GPHN: variants seen among roughly 807,000 people sequenced by gnomAD.
GPHN encodes gephyrin.
Under a neutral mutation model 95.5 loss-of-function variants are expected in GPHN, and 17 were observed. The observed-to-expected ratio is 0.18, with a 90% CI of 0.12 to 0.27. GPHN has a LOEUF of 0.27. Ranked by LOEUF, GPHN falls within the 10% of genes least tolerant of loss-of-function variation. GPHN has a pLI of 1.00. For missense variants in GPHN, 660 were observed against 978.1 expected (o/e 0.67, Z 4.34); for synonymous variants, 320 against 322.5 (o/e 0.99, Z 0.08).
intron 2 of GPHN, among the ~76,000 whole-genome samples, chr14:66,773,503 G>A (rs1337016628): frequency 1.3e-5 from 2 of 151,618 alleles, no homozygotes; most frequent in Non-Finnish European, 2.9e-5. Context: ...ACGGGTGCTC[G>A]CCACCACGCC....
At chr14:67,023,449 T>G (rs892776473) in intron 9 of GPHN, among the ~76,000 whole-genome samples, 184 bp from the exon 10 acceptor site, 5 of 152,118 alleles carry the variant, frequency 3.3e-5, no homozygotes, top group African/African-American at 1.2e-4. Flanking sequence ...CAGTTCTTTC[T>G]TTAAGGAAAA....
intron 12 of GPHN, among the ~76,000 whole-genome samples, chr14:67,099,860 T>G (rs1349377334): frequency 1.3e-5 from 2 of 152,142 alleles, no homozygotes; most frequent in Non-Finnish European, 2.9e-5. Context: ...ATGTATATAT[T>G]TTTTGTAGAT....
intron 11 of GPHN, among the ~76,000 whole-genome samples, chr14:67,087,393 G>A (rs2076950659): frequency 6.6e-6 from 1 of 152,148 alleles, no homozygotes; most frequent in Admixed American, 6.5e-5. Context: ...TGGGCCCACT[G>A]CTAGGGACTA....
chr14:67,677,267 C>G, the GPHN span: 4 of 151,506 alleles, frequency 2.6e-5, no homozygotes, highest in African/African-American at 9.7e-5. Flanking sequence ...AGGAAATGCC[C>G]CAAAATATTA....
chr14:66,988,116 T>TC (rs904569851), intron 9 of GPHN, among the ~76,000 whole-genome samples: 6 of 151,818 alleles, frequency 4.0e-5, no homozygotes, highest in Non-Finnish European at 8.8e-5. Context: ...CTGTCTCTTT[T>TC]CCCCCTCTTT....
intron 12 of GPHN, among the ~76,000 whole-genome samples, chr14:67,100,083 T>A (rs899847709): frequency 6.6e-6 from 1 of 152,202 alleles, no homozygotes; most frequent in Non-Finnish European, 1.5e-5. Context: ...TTATGGAATT[T>A]TTTTTTTCAA....
the GPHN span, among the ~76,000 whole-genome samples, chr14:67,349,979 TTAGCCAAGTG>T: frequency 6.6e-6 from 1 of 152,330 alleles, no homozygotes; most frequent in South Asian, 2.1e-4. Flanking sequence ...CTGCCCCTAA[TTAGCCAAGTG>T]ACCTCAGGAA....
chr14:67,387,331 A>AT, the GPHN span: 2 of 1,609,468 alleles, frequency 1.2e-6, no homozygotes, highest in South Asian at 2.2e-5. Flanking sequence ...GGTCCTTGTC[A>AT]TGTTAGCTTT....
chr14:66,935,863 T>C (rs945157139), intron 8 of GPHN, among the ~76,000 whole-genome samples: 5 of 152,124 alleles, frequency 3.3e-5, no homozygotes, highest in African/African-American at 1.2e-4. Context: ...ATTTTATATA[T>C]ATCAGCTCTT....
intron 8 of GPHN, among the ~76,000 whole-genome samples, chr14:66,931,243 A>C (rs1169029256): frequency 6.6e-6 from 1 of 151,930 alleles, no homozygotes; most frequent in Non-Finnish European, 1.5e-5. Flanking sequence ...TTTATATGTT[A>C]TCTGTTATTT....
At chr14:66,792,117 G>C (rs113019954) in intron 3 of GPHN, among the ~76,000 whole-genome samples, 79 of 152,228 alleles carry the variant, frequency 5.2e-4, no homozygotes, top group African/African-American at 1.6e-3. Context: ...TGACACATGG[G>C]AATTATTATA....
chr14:66,539,491 T>C (rs1182827818), intron 1 of GPHN, among the ~76,000 whole-genome samples: 1 of 145,612 alleles, frequency 6.9e-6, no homozygotes, highest in African/African-American at 2.6e-5. Flanking sequence ...CTCGGCTCAC[T>C]GCAACCTCCG....
the GPHN span, chr14:67,397,614 G>C: frequency 6.6e-7 from 1 of 1,514,892 alleles, no homozygotes; most frequent in South Asian, 1.2e-5. Flanking sequence ...CCAGAGGTGG[G>C]AAGGCTGTGG....
chr14:67,636,845 A>G, the GPHN span, among the ~76,000 whole-genome samples: 7 of 152,228 alleles, frequency 4.6e-5, no homozygotes, highest in African/African-American at 1.7e-4. Context: ...CTTCCTTGAA[A>G]TTTCAGGCTC....
chr14:67,049,347 C>G (rs1030651944), intron 10 of GPHN, among the ~76,000 whole-genome samples: 88 of 151,932 alleles, frequency 5.8e-4, no homozygotes, highest in African/African-American at 2.1e-3. Context: ...CCTGCCTCAG[C>G]CTCCGGAGTA....
the GPHN span, among the ~76,000 whole-genome samples, chr14:67,358,341 AT>A: frequency 6.6e-6 from 1 of 152,186 alleles, no homozygotes; most frequent in Non-Finnish European, 1.5e-5. Context: ...TAAAAACTTC[AT>A]TTCATTAAGA....
At chr14:67,283,598 A>G in the GPHN span, among the ~76,000 whole-genome samples, 2 of 152,210 alleles carry the variant, frequency 1.3e-5, no homozygotes, top group South Asian at 4.1e-4. Flanking sequence ...TCCTTCAGGG[A>G]ATTTTTTTTT....
At chr14:67,031,784 A>G (rs534929493) in intron 10 of GPHN, among the ~76,000 whole-genome samples, 2 of 151,954 alleles carry the variant, frequency 1.3e-5, no homozygotes, top group East Asian at 3.9e-4. Context: ...TTCGCTATTC[A>G]ATTTAAATTT....
the GPHN span, among the ~76,000 whole-genome samples, chr14:67,322,454 C>T: frequency 9.2e-5 from 14 of 152,288 alleles, no homozygotes; most frequent in East Asian, 1.9e-3. Flanking sequence ...CTTTAGCATA[C>T]GACTTTCCTT....
Sources: allele counts gnomAD v4.1 joint callset (sites outside exome capture counted in the v4.1 genomes callset), GRCh38; gene constraint gnomAD v4.1.1; transcripts MANE v1.5; gene names NCBI Gene and HGNC (gene_info 2026-07-23, HGNC 2026-07-21).